Variants in CMSS1 observed in about 807,000 individuals in gnomAD.
The protein encoded by CMSS1 is protein CMSS1.
In CMSS1, 33 loss-of-function variants were observed where a neutral mutation model predicts 43.5. That is an observed-to-expected ratio of 0.76 (90% CI 0.57 to 1.01). The LOEUF (loss-of-function observed/expected upper bound fraction) is 1.01, where lower values mean the gene tolerates loss of function less well. CMSS1 is among the 50% of genes least tolerant of loss of function. The probability of loss-of-function intolerance (pLI) is 0.00; values close to 1 mark genes in which losing one functional copy is unlikely to be tolerated. For synonymous variants in CMSS1, 115 were observed against 117.2 expected (o/e 0.98, Z 0.12); for missense variants, 313 against 326.4 (o/e 0.96, Z 0.32).
chr3:100,086,980 A>G (rs935567711), intron 1 of CMSS1, among the ~76,000 whole-genome samples: 11 of 152,170 alleles, frequency 7.2e-5, no homozygotes, highest in Non-Finnish European at 8.8e-5. Context: ...GGTTTCTTTT[A>G]CTTAGCAGAA....
At chr3:100,110,266 G>A (rs1168586891) in intron 1 of CMSS1, among the ~76,000 whole-genome samples, 1 of 152,068 alleles carries the variant, frequency 6.6e-6, no homozygotes, top group Admixed American at 6.6e-5. Context: ...GATGTTAGGG[G>A]CAGCTGAAAC....
intron 1 of CMSS1, chr3:99,849,640 T>C: frequency 2.5e-6 from 4 of 1,613,468 alleles, no homozygotes; most frequent in Non-Finnish European, 3.4e-6. Flanking sequence ...CATTTTAACA[T>C]GTTCTAGCTC....
At chr3:100,030,190 T>C (rs1489122129) in intron 1 of CMSS1, among the ~76,000 whole-genome samples, 1 of 152,144 alleles carries the variant, frequency 6.6e-6, no homozygotes, top group Non-Finnish European at 1.5e-5. Flanking sequence ...ACTCCTATTT[T>C]CTAGTTTAAT....
rs936459755 is a variant in CMSS1, at chr3:100,180,966, A to G, written c.*2578A>G. 2 of 152,380 alleles carry G rather than the reference A, an allele frequency of 1.3e-5. No individual in the cohort carries two copies. The highest frequency in any genetic ancestry group is 2.9e-5 in the Non-Finnish European group (2 of 68,158). The allele number at this position is 152,380 out of a possible 1,614,324, so 9.4% of individuals were successfully genotyped here. A position where few individuals can be genotyped will look rare whatever the true frequency, so the allele number is the denominator to read the frequency against. ...GGGAGGCCTCAGGAAATTTACAATC[A>G]TGGCAGAAGATGAAAGGGATGCAAC... On this transcript the variant is annotated 3_prime_UTR_variant, in exon 10 of 10. Transcript: ENST00000421999.
rs144837453 is a variant in CMSS1, at chr3:99,974,448, G to T, written c.64+156405G>T. On this transcript the variant is annotated intron_variant, in intron 1 of 9. Transcript: ENST00000421999. ...ATTTGGGCTGGGCGCAGTGGCTCAC[G>T]CCTGTAATCACAGCACTTTGGGAGG... Among the ~76,000 whole-genome samples the T allele has an allele frequency of 1.1e-4, 16 of 152,230 alleles. No homozygotes were observed. In the East Asian group the frequency reaches 3.1e-3, roughly 29 times the overall value.
At chr3:100,007,803 A>G (rs1366112949) in intron 1 of CMSS1, among the ~76,000 whole-genome samples, 2 of 152,212 alleles carry the variant, frequency 1.3e-5, no homozygotes, top group Non-Finnish European at 2.9e-5. Context: ...ATCTAGTGGT[A>G]ACAGGGAATT....
chr3:100,048,442 C>T (rs1183411897), intron 1 of CMSS1, among the ~76,000 whole-genome samples: 1 of 152,062 alleles, frequency 6.6e-6, no homozygotes, highest in Non-Finnish European at 1.5e-5. Context: ...CAGCTCTTCC[C>T]TGCAGCTGTG....
chr3:100,017,985 G>A (rs1267444902), intron 1 of CMSS1, among the ~76,000 whole-genome samples: 1 of 152,042 alleles, frequency 6.6e-6, no homozygotes, highest in Non-Finnish European at 1.5e-5. Flanking sequence ...TTGAAACTCT[G>A]AGAAGGGTAT....
At chr3:99,840,662 A>G (rs1208356223) in intron 1 of CMSS1, among the ~76,000 whole-genome samples, 1 of 152,230 alleles carries the variant, frequency 6.6e-6, no homozygotes, top group Non-Finnish European at 1.5e-5. Flanking sequence ...ATTTCCCAAA[A>G]GGAATTTTAA....
At chr3:100,111,085 A>G (rs1370105196) in intron 1 of CMSS1, among the ~76,000 whole-genome samples, 2 of 152,130 alleles carry the variant, frequency 1.3e-5, no homozygotes, top group Non-Finnish European at 2.9e-5. Context: ...CTACTTCATC[A>G]TTCCACCCAA....
chr3:99,849,812 T>C, intron 1 of CMSS1: 1 of 1,612,784 alleles, frequency 6.2e-7, no homozygotes, highest in Non-Finnish European at 8.5e-7. Flanking sequence ...ATCTTATTGT[T>C]TTCTTGGTGT....
chr3:99,960,933 A>G (rs1708472202), intron 1 of CMSS1, among the ~76,000 whole-genome samples: 1 of 152,192 alleles, frequency 6.6e-6, no homozygotes, highest in African/African-American at 2.4e-5. Context: ...AAAAGAGTCT[A>G]TTTTTAAAAG....
At chr3:99,979,324 A>G (rs759054497) in intron 1 of CMSS1, among the ~76,000 whole-genome samples, 2 of 152,190 alleles carry the variant, frequency 1.3e-5, no homozygotes, top group Non-Finnish European at 2.9e-5. Context: ...GGGAAACACT[A>G]AAAAGATAAA....
intron 1 of CMSS1, among the ~76,000 whole-genome samples, chr3:99,853,725 T>G (rs1282361940): frequency 6.6e-6 from 1 of 152,236 alleles, no homozygotes; most frequent in Non-Finnish European, 1.5e-5. Context: ...TGAATGCATT[T>G]TCTCTAAGCA....
chr3:99,820,306 C>T (rs1313407703), intron 1 of CMSS1, among the ~76,000 whole-genome samples: 1 of 151,864 alleles, frequency 6.6e-6, no homozygotes, highest in East Asian at 1.9e-4. Flanking sequence ...AAGCGATTCT[C>T]CTGCCTCAGC....
At chr3:100,004,450 A>G (rs1430198046) in intron 1 of CMSS1, among the ~76,000 whole-genome samples, 7 of 152,220 alleles carry the variant, frequency 4.6e-5, no homozygotes, top group Non-Finnish European at 1.0e-4. Flanking sequence ...GAGGAGAACC[A>G]ACAGAAGGAA....
chr3:100,155,618 C>T (rs918687784), intron 2 of CMSS1, among the ~76,000 whole-genome samples: 8 of 152,158 alleles, frequency 5.3e-5, no homozygotes, highest in Non-Finnish European at 1.0e-4. Context: ...TCCTTTTTGG[C>T]TAAATCCCAT....
chr3:100,169,689 A>AT (rs1342531441), intron 6 of CMSS1, among the ~76,000 whole-genome samples: 1 of 152,010 alleles, frequency 6.6e-6, no homozygotes, highest in Non-Finnish European at 1.5e-5. Flanking sequence ...GTTTCTTTCC[A>AT]TTTTTTCTGC....
intron 1 of CMSS1, among the ~76,000 whole-genome samples, chr3:99,916,493 T>A (rs1706958997): frequency 6.8e-6 from 1 of 146,242 alleles, no homozygotes; most frequent in African/African-American, 2.6e-5. Flanking sequence ...CACGTTCTGT[T>A]TCTCTGGAGG....
Sources: allele counts gnomAD v4.1 joint callset (sites outside exome capture counted in the v4.1 genomes callset), GRCh38; gene constraint gnomAD v4.1.1; transcripts MANE v1.5; gene names NCBI Gene and HGNC (gene_info 2026-07-23, HGNC 2026-07-21).